DAPK1: variants seen among roughly 807,000 people sequenced by gnomAD.
DAPK1 encodes the protein death-associated protein kinase 1.
In DAPK1, 56 loss-of-function variants were observed where a neutral mutation model predicts 144.9. The ratio of observed to expected loss-of-function variants is 0.39; its 90% CI spans 0.31 to 0.48. The LOEUF (loss-of-function observed/expected upper bound fraction) is 0.48, where lower values mean the gene tolerates loss of function less well. Among genes scored for constraint, DAPK1 ranks in the 20% least tolerant of loss-of-function variants. DAPK1 has a pLI of 0.95. For missense variants in DAPK1, 1,454 were observed against 1,875.4 expected (o/e 0.78, Z 4.15); for synonymous variants, 690 against 749.0 (o/e 0.92, Z 1.29).
chr9:87,621,378 G>T (rs1829288661), intron 3 of DAPK1, among the ~76,000 whole-genome samples: 1 of 152,176 alleles, frequency 6.6e-6, no homozygotes, highest in Non-Finnish European at 1.5e-5. Flanking sequence ...CCATTGCACT[G>T]GGGGATGCCG....
At chr9:87,643,555 G>A in intron 11 of DAPK1, 87 bp downstream of exon 11, 1 of 894,654 alleles carries the variant, frequency 1.1e-6, no homozygotes, top group Non-Finnish European at 1.8e-6. Flanking sequence ...AACCTCCCAG[G>A]AACCTGAAGT....
At chr9:87,626,541 C>T (rs1461394917) in intron 3 of DAPK1, among the ~76,000 whole-genome samples, 10 of 152,198 alleles carry the variant, frequency 6.6e-5, no homozygotes, top group South Asian at 2.1e-4. Flanking sequence ...AGCCTGCAAC[C>T]GAGCATCACC....
chr9:87,617,375 G>T (rs1829132336), intron 3 of DAPK1, among the ~76,000 whole-genome samples: 1 of 152,190 alleles, frequency 6.6e-6, no homozygotes, highest in Admixed American at 6.5e-5. Flanking sequence ...TAGCAGGAAA[G>T]CTCAACACCA....
chr9:87,638,304 C>T (rs1024652060), intron 4 of DAPK1, among the ~76,000 whole-genome samples: 2 of 152,140 alleles, frequency 1.3e-5, no homozygotes, highest in Non-Finnish European at 2.9e-5. Context: ...TGATTACATT[C>T]TGGAATTCTT....
chr9:87,687,232 A>G (rs1298508414), intron 21 of DAPK1, among the ~76,000 whole-genome samples: 3 of 152,130 alleles, frequency 2.0e-5, no homozygotes, highest in African/African-American at 7.2e-5. Flanking sequence ...TATTTCTTCT[A>G]TCTAACTGCA....
At chr9:87,586,120 T>A (rs986122632) in intron 2 of DAPK1, among the ~76,000 whole-genome samples, 1 of 152,114 alleles carries the variant, frequency 6.6e-6, no homozygotes, top group Non-Finnish European at 1.5e-5. Flanking sequence ...AAACCCCACC[T>A]CTACAAAAAA....
At position 87,647,408 on chromosome 9, in the gene DAPK1, G is replaced by A. The variant is rs866786418; in HGVS notation, c.1329+5G>A. 1 of 1,612,946 alleles carries A rather than the reference G, an allele frequency of 6.2e-7. No individual in the cohort carries two copies. Among genetic ancestry groups the A allele is most frequent in the East Asian group, 2.2e-5 (1 of 44,874 alleles). On this transcript the variant is annotated splice_donor_5th_base_variant and intron_variant, in intron 14 of 25. Coordinates refer to ENST00000408954, the MANE Select transcript of DAPK1 (RefSeq NM_004938.4). ...CCTTTGGATGTGAAAGACAAGGTAA[G>A]GCCACTTCTCTTAGGAGGAACATGA...
upstream of DAPK1, chr9:87,497,817 C>A: frequency 2.6e-6 from 1 of 379,434 alleles, no homozygotes; most frequent in Non-Finnish European, 4.7e-6. Flanking sequence ...TCCCCATTGG[C>A]CGCCTGCCGG....
At chr9:87,525,572 A>G in intron 2 of DAPK1, 2 of 867,988 alleles carry the variant, frequency 2.3e-6, no homozygotes, top group Non-Finnish European at 1.8e-6. Context: ...AACAACAACA[A>G]AAAATGCGTT....
At chr9:87,656,200 C>T (rs575655817) in intron 17 of DAPK1, among the ~76,000 whole-genome samples, 36 of 152,220 alleles carry the variant, frequency 2.4e-4, no homozygotes, top group Non-Finnish European at 4.9e-4. Context: ...GTGTGTCTGC[C>T]GTGGGCTGTC....
At chr9:87,504,155 T>G (rs191248807) in intron 2 of DAPK1, among the ~76,000 whole-genome samples, 53 of 152,326 alleles carry the variant, frequency 3.5e-4, no homozygotes, top group Middle Eastern at 3.4e-3. Flanking sequence ...AGGACTGTGC[T>G]GAATGTGACA....
At chr9:87,633,206 G>A in intron 3 of DAPK1, 1 of 983,916 alleles carries the variant, frequency 1.0e-6, no homozygotes, top group Non-Finnish European at 1.2e-6. Flanking sequence ...TAGGGATGAA[G>A]GAGATTGAGT....
At chr9:87,701,945 G>C (rs769589771) in intron 24 of DAPK1, 2 of 460,200 alleles carry the variant, frequency 4.3e-6, no homozygotes, top group South Asian at 1.6e-5. Flanking sequence ...CAGAAACCAG[G>C]GGCGGTGATC....
intron 1 of DAPK1, chr9:87,498,413 G>A (rs567906084): frequency 2.9e-4 from 94 of 322,584 alleles, no homozygotes; most frequent in African/African-American, 1.8e-3. Flanking sequence ...CCGGGCGGCC[G>A]CACGCCGGGT....
chr9:87,649,840 T>TGATAGG (rs2119174997), intron 15 of DAPK1, 81 bp from the exon 16 acceptor site: 1 of 1,439,562 alleles, frequency 6.9e-7, no homozygotes, highest in East Asian at 2.3e-5. Flanking sequence ...CTGCCAAATT[T>TGATAGG]GACAGGGACT....
intron 19 of DAPK1, among the ~76,000 whole-genome samples, chr9:87,678,049 A>G (rs1824463424): frequency 6.6e-6 from 1 of 152,148 alleles, no homozygotes; most frequent in African/African-American, 2.4e-5. Flanking sequence ...CAAGACCCCC[A>G]GTCCTTTCCT....
Position 87,640,848 on chromosome 9 carries a change from G to A in DAPK1, c.828+1G>A. ...TAGTTTGCAGCATCCCTGGATCAAG[G>A]TGAGTTGCATATTACGAAACTGTTT... On this transcript the variant is annotated splice_donor_variant, in intron 9 of 25. Transcript: ENST00000408954. LOFTEE classifies it high-confidence loss of function. 2 of 1,614,062 alleles carry A rather than the reference G, an allele frequency of 1.2e-6. No individual in the cohort carries two copies.
At chr9:87,517,484 C>T (rs560604258) in intron 2 of DAPK1, among the ~76,000 whole-genome samples, 1 of 152,228 alleles carries the variant, frequency 6.6e-6, no homozygotes, top group Admixed American at 6.5e-5. Context: ...AGATTGTGAG[C>T]CCGTAAAGTG....
At chr9:87,559,982 T>G (rs1229228306) in intron 2 of DAPK1, among the ~76,000 whole-genome samples, 2 of 149,924 alleles carry the variant, frequency 1.3e-5, no homozygotes, top group African/African-American at 5.0e-5. Context: ...CCTCTGCCCT[T>G]GAATCTTTTT....
Sources: allele counts gnomAD v4.1 joint callset (sites outside exome capture counted in the v4.1 genomes callset), GRCh38; gene constraint gnomAD v4.1.1; transcripts MANE v1.5; gene names NCBI Gene and HGNC (gene_info 2026-07-23, HGNC 2026-07-21).